The following PTPRQ variants were observed in gnomAD, a reference collection of about 807,000 sequenced individuals.
PTPRQ encodes protein tyrosine phosphatase receptor type Q.
A neutral mutation model predicts 246.0 loss-of-function variants in PTPRQ; 199 were observed. The ratio of observed to expected loss-of-function variants is 0.81; its 90% CI spans 0.72 to 0.91. The LOEUF is 0.91. Among genes scored for constraint, PTPRQ ranks in the 40% least tolerant of loss-of-function variants. The pLI, the probability that PTPRQ is intolerant of heterozygous loss-of-function variation, is 0.00. For synonymous variants in PTPRQ, 869 were observed against 853.2 expected, an observed-to-expected ratio of 1.02 and a Z score of -0.32; for missense variants, 2,624 against 2,528.4, an observed-to-expected ratio of 1.04 and a Z score of -0.81.
At chr12:80,610,743 A>G in intron 28 of PTPRQ, 118 bp downstream of exon 28, 1 of 1,276,674 alleles carries the variant, frequency 7.8e-7, no homozygotes, top group Non-Finnish European at 1.0e-6. Context: ...AAGCATATAA[A>G]CAAAAAAATT....
chr12:80,665,048 G>A (rs1900742525), intron 39 of PTPRQ, among the ~76,000 whole-genome samples: 1 of 151,940 alleles, frequency 6.6e-6, no homozygotes, highest in Non-Finnish European at 1.5e-5. Context: ...CCCCAAAATA[G>A]GCCATCTGCA....
chr12:80,569,186 C>T (rs1242375747), intron 25 of PTPRQ, among the ~76,000 whole-genome samples: 8 of 147,964 alleles, frequency 5.4e-5, no homozygotes, highest in Non-Finnish European at 8.9e-5. Flanking sequence ...TGTTCAATTC[C>T]CACCTATGAG....
chr12:80,471,478 TTTTTTTTTTTTTTA>T (rs1200250048), intron 7 of PTPRQ, among the ~76,000 whole-genome samples: 9 of 39,498 alleles, frequency 2.3e-4, no homozygotes, highest in Admixed American at 1.7e-3. Context: ...TTTAGCATTT[TTTTTTTTTTTTTTA>T]TTTGAGACAG....
intron 27 of PTPRQ, among the ~76,000 whole-genome samples, chr12:80,608,695 T>A (rs192068666): frequency 3.5e-4 from 53 of 150,196 alleles, no homozygotes; most frequent in African/African-American, 1.3e-3. Context: ...CCTCTGCTAC[T>A]AAGTAACCCT....
At chr12:80,466,435 G>C (rs1217198276) in intron 6 of PTPRQ, among the ~76,000 whole-genome samples, 1 of 152,286 alleles carries the variant, frequency 6.6e-6, no homozygotes, top group Admixed American at 6.5e-5. Context: ...CACTGCCCAA[G>C]GTAATTTATA....
intron 3 of PTPRQ, among the ~76,000 whole-genome samples, chr12:80,448,353 T>A (rs1053145135): frequency 6.6e-5 from 10 of 152,114 alleles, no homozygotes; most frequent in Admixed American, 6.6e-4. Flanking sequence ...ATAGTATGCT[T>A]CCTGTTTTCC....
At chr12:80,590,037 C>T (rs191784525) in intron 26 of PTPRQ, among the ~76,000 whole-genome samples, 1 of 152,222 alleles carries the variant, frequency 6.6e-6, no homozygotes. Flanking sequence ...CTGAATGCTG[C>T]CTAGAACTCC....
At chr12:80,515,158 T>C (rs967456666) in intron 17 of PTPRQ, among the ~76,000 whole-genome samples, 1 of 152,008 alleles carries the variant, frequency 6.6e-6, no homozygotes, top group Non-Finnish European at 1.5e-5. Context: ...TTTTGGGGAC[T>C]CTTACCATAA....
rs187662668 is a variant in PTPRQ, at chr12:80,467,598, C to A, written c.911-1112C>A. 6.2e-3 allele frequency among the ~76,000 whole-genome samples: 944 copies of A among 151,920 alleles called. 5 individuals carry two copies. Among genetic ancestry groups the A allele is most frequent in the Middle Eastern group, 0.014 (4 of 292 alleles). ...CATTATTCACAATAGCAAAGACTTGCAACCAACCCAAATGTCCAACAATGA... is the reference window on the plus strand; with the variant it reads ...CATTATTCACAATAGCAAAGACTTGAAACCAACCCAAATGTCCAACAATGA... On this transcript the variant is annotated intron_variant, in intron 6 of 44. Transcript: ENST00000644991.
At chr12:80,635,180 TCA>T in intron 35 of PTPRQ, 107 bp downstream of exon 35, 9 of 1,431,088 alleles carry the variant, frequency 6.3e-6, no homozygotes, top group Non-Finnish European at 8.2e-6. Context: ...TTTACACAGG[TCA>T]CAGAGATCTT....
At chr12:80,482,577 A>G (rs1156566145) in intron 8 of PTPRQ, among the ~76,000 whole-genome samples, 1 of 150,524 alleles carries the variant, frequency 6.6e-6, no homozygotes, top group East Asian at 1.9e-4. Flanking sequence ...CTACCATCAG[A>G]GCGAACAGGC....
intron 23 of PTPRQ, 64 bp downstream of exon 23, chr12:80,542,945 A>G (rs1565776059): frequency 2.6e-6 from 3 of 1,159,452 alleles, no homozygotes; most frequent in Admixed American, 3.7e-5. Context: ...AAATCTTTTG[A>G]CATATAGGAG....
At chr12:80,673,134 C>G (rs907959749) in intron 42 of PTPRQ, 35 bp from the exon 43 acceptor site, 1 of 1,546,930 alleles carries the variant, frequency 6.5e-7, no homozygotes, top group Non-Finnish European at 8.7e-7. Context: ...CAACCCTTTG[C>G]TGAATAATTT....
intron 3 of PTPRQ, among the ~76,000 whole-genome samples, chr12:80,450,895 A>G (rs1354386142): frequency 6.6e-6 from 1 of 152,202 alleles, no homozygotes; most frequent in Non-Finnish European, 1.5e-5. Context: ...GGCCTCATAA[A>G]ATGAGTTAGG....
At chr12:80,591,479 A>C (rs1897800322) in intron 26 of PTPRQ, among the ~76,000 whole-genome samples, 1 of 152,098 alleles carries the variant, frequency 6.6e-6, no homozygotes, top group Non-Finnish European at 1.5e-5. Context: ...TACTCTATAA[A>C]TATTCCCTGA....
Position 80,484,592 on chromosome 12 carries a change from C to T in PTPRQ, c.1346C>T (p.Thr449Ile), listed in dbSNP as rs747612931. 1.3e-6 allele frequency: 2 copies of T among 1,550,370 alleles called. No homozygotes were observed. Among genetic ancestry groups the T allele is most frequent in the Non-Finnish European group, 1.7e-6 (2 of 1,146,600 alleles). The change falls in exon 9 of 45, where the codon ACT (threonine) becomes ATT (isoleucine). Residue 449 changes from threonine to isoleucine, a missense_variant. By Grantham distance (89) the Thr-to-Ile change is moderately conservative (BLOSUM62 -1). Coordinates refer to ENST00000644991, the MANE Select transcript of PTPRQ (RefSeq NM_001145026.2). ...TGIILENTLL[T>I]GNNEYINDPM... The stretch of plus-strand genomic sequence containing the variant: ...ATAATTTTGGAAAATACTTTGCTCA[C>T]TGGAAATAATGAGGTATTGCATTTT...
intron 3 of PTPRQ, among the ~76,000 whole-genome samples, chr12:80,448,785 T>C (rs1448672276): frequency 2.0e-5 from 3 of 149,154 alleles, no homozygotes; most frequent in Non-Finnish European, 4.4e-5. Context: ...TGTTGGACAT[T>C]TGGGTTGGTT....
At chr12:80,455,594 GT>G (rs35890290) in intron 3 of PTPRQ, among the ~76,000 whole-genome samples, 78,945 of 134,794 alleles carry the variant, frequency 0.59, 22,058 homozygotes, top group East Asian at 0.96. Context: ...TTACATAGTT[GT>G]TTTTTTTTTT....
chr12:80,540,061 T>G (rs1228007924), intron 20 of PTPRQ, 117 bp downstream of exon 20: 5 of 895,696 alleles, frequency 5.6e-6, no homozygotes, highest in Non-Finnish European at 7.7e-6. Flanking sequence ...ACGTTCATTA[T>G]AGGAGTTTGA....
Sources: gnomAD v4.1 joint callset for allele counts (sites outside exome capture counted in the v4.1 genomes callset) on GRCh38, gnomAD v4.1.1 for gene constraint, MANE v1.5 for transcripts, NCBI Gene and HGNC (gene_info 2026-07-23, HGNC 2026-07-21) for gene names.